Variants in SMAD9 observed in about 807,000 individuals in gnomAD.
The protein encoded by SMAD9 is SMAD family member 9.
Under a neutral mutation model 46.1 loss-of-function variants are expected in SMAD9, and 36 were observed. The observed-to-expected ratio is 0.78, with a 90% CI of 0.60 to 1.03. The LOEUF is 1.03. Ranked by LOEUF, SMAD9 falls within the 50% of genes least tolerant of loss-of-function variation. SMAD9 has a pLI of 0.00. For missense variants in SMAD9, 572 were observed against 599.8 expected, an observed-to-expected ratio of 0.95 and a Z score of 0.48; for synonymous variants, 245 against 237.1, an observed-to-expected ratio of 1.03 and a Z score of -0.31.
intron 1 of SMAD9, among the ~76,000 whole-genome samples, chr13:36,914,086 G>A (rs2058681010): frequency 6.6e-6 from 1 of 152,154 alleles, no homozygotes; most frequent in Non-Finnish European, 1.5e-5. Context: ...TCACAACGCA[G>A]GTGCCTTTCA....
At chr13:36,871,283 C>T (rs1299167938) in intron 3 of SMAD9, among the ~76,000 whole-genome samples, 6 of 152,088 alleles carry the variant, frequency 3.9e-5, no homozygotes, top group African/African-American at 7.2e-5. Flanking sequence ...TTTGGGAGGC[C>T]GAGGTGGGCA....
chr13:36,919,454 C>G (rs1239831065), intron 1 of SMAD9, among the ~76,000 whole-genome samples: 1 of 152,146 alleles, frequency 6.6e-6, no homozygotes, highest in Non-Finnish European at 1.5e-5. Flanking sequence ...AACAACATTC[C>G]TAACTTTTTT....
intron 1 of SMAD9, among the ~76,000 whole-genome samples, chr13:36,914,325 C>T (rs1397002925): frequency 3.3e-5 from 5 of 152,158 alleles, no homozygotes; most frequent in African/African-American, 9.7e-5. Flanking sequence ...CGAGACCATC[C>T]TGGCTAACAT....
Position 36,848,438 on chromosome 13 carries a change from T to A in SMAD9, c.*238A>T, listed in dbSNP as rs2058049722. The A allele has an allele frequency of 1.8e-6, 1 of 548,682 alleles. No individual in the cohort carries two copies. The highest frequency in any genetic ancestry group is 3.1e-5 in the Admixed American group (1 of 32,198). 34.0% of individuals were successfully genotyped at this position (548,682 alleles called of 1,614,324 possible). A position where few individuals can be genotyped will look rare whatever the true frequency, so the allele number is the denominator to read the frequency against. Reference sequence around the variant, plus strand: ...ACAATATCGCCTCTCAAGTGTTTCCTCCCACAAAATCTGCTGCTTATAGCA... The same window carrying A: ...ACAATATCGCCTCTCAAGTGTTTCCACCCACAAAATCTGCTGCTTATAGCA... On this transcript the variant is annotated 3_prime_UTR_variant, in exon 7 of 7. Transcript: ENST00000379826.
At chr13:36,851,982 CTG>C (rs2058078561) in intron 6 of SMAD9, 1 of 968,044 alleles carries the variant, frequency 1.0e-6, no homozygotes, top group Admixed American at 6.2e-5. Flanking sequence ...AAAAAAAAAA[CTG>C]TATGATTCAA....
intron 1 of SMAD9, among the ~76,000 whole-genome samples, chr13:36,883,679 A>T (rs1421125304): frequency 1.3e-5 from 2 of 152,224 alleles, no homozygotes; most frequent in Non-Finnish European, 2.9e-5. Flanking sequence ...TGAGCCTGTG[A>T]ATCGGAAGTT....
chr13:36,896,828 T>C (rs550590752), intron 1 of SMAD9, among the ~76,000 whole-genome samples: 1 of 152,300 alleles, frequency 6.6e-6, no homozygotes, highest in African/African-American at 2.4e-5. Flanking sequence ...TTCTGCCTAT[T>C]TCAATGAATG....
intron 1 of SMAD9, among the ~76,000 whole-genome samples, chr13:36,891,091 C>T (rs1245689046): frequency 6.6e-6 from 1 of 152,102 alleles, no homozygotes; most frequent in Non-Finnish European, 1.5e-5. Context: ...TTTCCTCCTT[C>T]CCGCTTTGGT....
intron 1 of SMAD9, among the ~76,000 whole-genome samples, chr13:36,881,789 G>A (rs143851062): frequency 5.0e-4 from 76 of 152,306 alleles, no homozygotes; most frequent in Middle Eastern, 6.8e-3. Context: ...ATCTAGTCAG[G>A]CTGCCTTAAA....
At chr13:36,907,841 ACT>A (rs1227587839) in intron 1 of SMAD9, among the ~76,000 whole-genome samples, 3 of 152,144 alleles carry the variant, frequency 2.0e-5, no homozygotes, top group African/African-American at 7.2e-5. Context: ...ATTTTAATAA[ACT>A]CTAATTTTCA....
chr13:36,920,732 C>T (rs7490906), upstream of SMAD9: 7 of 152,348 alleles, frequency 4.6e-5, no homozygotes, highest in African/African-American at 1.7e-4. Flanking sequence ...GGAGACCCTT[C>T]TGAGCTGCTG....
chr13:36,893,381 C>G (rs1026132834), intron 1 of SMAD9, among the ~76,000 whole-genome samples: 1 of 148,216 alleles, frequency 6.7e-6, no homozygotes, highest in Non-Finnish European at 1.5e-5. Context: ...CCTAAAGAAA[C>G]TATTGTACAT....
chr13:36,858,551 G>A (rs889451360), intron 5 of SMAD9, among the ~76,000 whole-genome samples: 3 of 152,094 alleles, frequency 2.0e-5, no homozygotes, highest in East Asian at 3.9e-4. Context: ...TGTACTACAC[G>A]GCATGTCCCA....
At chr13:36,903,643 A>G (rs2058596101) in intron 1 of SMAD9, among the ~76,000 whole-genome samples, 1 of 152,240 alleles carries the variant, frequency 6.6e-6, no homozygotes, top group African/African-American at 2.4e-5. Context: ...TTTTGCATCT[A>G]ATCTCAAAAG....
Position 36,865,655 on chromosome 13 carries a change from A to C in SMAD9, c.885T>G (p.Ser295Arg). ...GGTCGGTGAACCCATCTATGAGCAC[A>C]CTTCGGGAGGAAGCCTGGAATGTCT... ...VGETFQASSR[S>R]VLIDGFTDPS... is the part of the protein sequence containing the mutation. Residue 295 changes from serine (S) to arginine (R), a missense_variant, in exon 5 of 7, where the codon AGT becomes AGG. Physicochemically the swap from Ser to Arg is moderately radical, Grantham distance 110. Coordinates refer to ENST00000379826, the MANE Select transcript of SMAD9 (RefSeq NM_001127217.3). 1.9e-6 allele frequency: 3 copies of C among 1,614,140 alleles called. No individual in the cohort carries two copies. The highest frequency in any genetic ancestry group is 2.5e-6 in the Non-Finnish European group (3 of 1,179,998).
chr13:36,879,274 C>G lies in SMAD9; in HGVS notation c.412+4G>C. The G allele has an allele frequency of 6.2e-7, 1 of 1,613,790 alleles. No homozygotes were observed. The highest frequency in any genetic ancestry group is 8.5e-7 in the Non-Finnish European group (1 of 1,179,850). On this transcript the variant is annotated splice_donor_region_variant and intron_variant, in intron 2 of 6. Coordinates refer to ENST00000379826, the MANE Select transcript of SMAD9 (RefSeq NM_001127217.3). ...TAAACCTTGACGTCGTAAAGACGAC[C>G]CACCTGGAGTCTCCACCCGGCGGTA...
chr13:36,908,292 T>C (rs1449357480), intron 1 of SMAD9, among the ~76,000 whole-genome samples: 4 of 152,226 alleles, frequency 2.6e-5, no homozygotes, highest in African/African-American at 4.8e-5. Context: ...TCAGAACAAG[T>C]TATTCTTGTA....
intron 1 of SMAD9, among the ~76,000 whole-genome samples, chr13:36,894,786 C>T (rs2058515230): frequency 6.6e-6 from 1 of 152,160 alleles, no homozygotes; most frequent in Admixed American, 6.5e-5. Flanking sequence ...CCCACCTCCC[C>T]TGGAGCCTGT....
intron 1 of SMAD9, among the ~76,000 whole-genome samples, chr13:36,885,277 G>A (rs1368874211): frequency 6.6e-6 from 1 of 151,976 alleles, no homozygotes. Flanking sequence ...ATAAAACTAT[G>A]TCCAAAAGGA....
Sources: allele counts gnomAD v4.1 joint callset (sites outside exome capture counted in the v4.1 genomes callset), GRCh38; gene constraint gnomAD v4.1.1; transcripts MANE v1.5; gene names NCBI Gene and HGNC (gene_info 2026-07-23, HGNC 2026-07-21).